RSPH14: variants seen among roughly 807,000 people sequenced by gnomAD.
RSPH14 encodes rhabdoid tumor deletion region gene 1.
In RSPH14, 20 loss-of-function variants were observed where a neutral mutation model predicts 26.7. The observed-to-expected ratio is 0.75, with a 90% confidence interval of 0.53 to 1.09. The LOEUF (loss-of-function observed/expected upper bound fraction) is 1.09, where lower values mean the gene tolerates loss of function less well. Among genes scored for constraint, RSPH14 ranks in the 50% least tolerant of loss-of-function variants. The pLI, the probability that RSPH14 is intolerant of heterozygous loss-of-function variation, is 0.00. For missense variants in RSPH14, 449 were observed against 457.2 expected (o/e 0.98, Z 0.16); for synonymous variants, 177 against 189.3 (o/e 0.93, Z 0.53).
intron 4 of RSPH14, among the ~76,000 whole-genome samples, chr22:23,088,542 C>A (rs1386433550): frequency 6.6e-6 from 1 of 152,226 alleles, no homozygotes; most frequent in African/African-American, 2.4e-5. Context: ...CATAGCCCCG[C>A]TTGGGGCATG....
Position 23,134,072 on chromosome 22 carries a change from C to T in RSPH14, c.375G>A (p.Arg125=). ...GCATGTATGCCTTGTACAGGTTCCC[C>T]CGGCAGACTGGGCTGGGGTCATTCA... ...FLLNDPSPVC[R]GNLYKAYMQL... The change falls in exon 4 of 7, where the codon CGG becomes CGA. Residue 125 remains arginine, a synonymous_variant. Coordinates refer to ENST00000216036, the MANE Select transcript of RSPH14 (RefSeq NM_014433.3). 6.2e-7 allele frequency: 1 copy of T among 1,613,792 alleles called. No homozygotes were observed. Among genetic ancestry groups the T allele is most frequent in the Non-Finnish European group, 8.5e-7 (1 of 1,179,830 alleles).
chr22:23,153,335 C>G, the RSPH14 span, among the ~76,000 whole-genome samples: 8 of 152,158 alleles, frequency 5.3e-5, no homozygotes, highest in Non-Finnish European at 7.4e-5. Context: ...TCATTTTGGT[C>G]ATTGGCTCTG....
intron 4 of RSPH14, chr22:23,095,816 A>G (rs1190591240): frequency 6.2e-7 from 1 of 1,613,488 alleles, no homozygotes; most frequent in Non-Finnish European, 8.5e-7. Context: ...CCTGCTGGGC[A>G]CCAGCAACTC....
chr22:23,138,937 T>C lies in RSPH14; in HGVS notation c.205A>G (p.Met69Val), dbSNP rs1289863575. 6.7e-7 allele frequency: 1 copy of C among 1,490,840 alleles called. No homozygotes were observed. The highest frequency in any genetic ancestry group is 9.0e-7 in the Non-Finnish European group (1 of 1,113,712). The allele number at this position is 1,490,840 out of a possible 1,614,324, so 92.4% of individuals were successfully genotyped here. A position where few individuals can be genotyped will look rare whatever the true frequency, so the allele number is the denominator to read the frequency against. The change falls in exon 3 of 7, where the codon ATG (methionine) becomes GTG (valine). Residue 69 changes from methionine (M) to valine (V), a missense_variant. Coordinates refer to ENST00000216036, the MANE Select transcript of RSPH14 (RefSeq NM_014433.3). The stretch of plus-strand genomic sequence containing the variant: ...TTCAGCAAAGCTTTCAGGTTCTCCA[T>C]ACAGCCTAGAAAAAAAAAAAAAAAC... Reference protein sequence around the residue: ...CIYKAMNIGCMENLKALLKDS... With the variant: ...CIYKAMNIGCVENLKALLKDS...
In RSPH14 at chr22:23,061,855, C is replaced by T; in HGVS notation, c.744G>A (p.Lys248=). ...HLLKDPVEHV[K]SNAAGALMFA... ...ACATCAGGGCACCGGCAGCGTTAGA[C>T]TTCACATGCTCCACTGGGTCTTTCA... Residue 248 remains lysine (K), a synonymous_variant, in exon 6 of 7, where the codon AAG becomes AAA. Transcript: ENST00000216036. 6 of 1,614,176 alleles carry T rather than the reference C, an allele frequency of 3.7e-6. No individual in the cohort carries two copies. Among genetic ancestry groups the T allele is most frequent in the South Asian group, 1.1e-5 (1 of 91,088 alleles).
At chr22:23,136,014 T>C in intron 3 of RSPH14, 1 of 230,550 alleles carries the variant, frequency 4.3e-6, no homozygotes. Flanking sequence ...TATTTATTTA[T>C]TTTCACTTAT....
At chr22:23,065,525 C>T (rs1041569381) in intron 4 of RSPH14, among the ~76,000 whole-genome samples, 2 of 80,350 alleles carry the variant, frequency 2.5e-5, no homozygotes, top group Non-Finnish European at 4.4e-5. Flanking sequence ...ATTTAATATG[C>T]ACAGATTGCA....
At chr22:23,069,949 G>A (rs2068297452) in intron 4 of RSPH14, among the ~76,000 whole-genome samples, 1 of 152,170 alleles carries the variant, frequency 6.6e-6, no homozygotes, top group South Asian at 2.1e-4. Flanking sequence ...CCCGAGTGGA[G>A]AGAAGGCGAG....
intron 4 of RSPH14, among the ~76,000 whole-genome samples, chr22:23,100,773 T>G (rs1409230440): frequency 6.6e-6 from 1 of 152,192 alleles, no homozygotes; most frequent in Non-Finnish European, 1.5e-5. Context: ...TCCAGAGCCC[T>G]GGCTTCTGGG....
At chr22:23,083,769 G>A (rs1250117441) in intron 4 of RSPH14, among the ~76,000 whole-genome samples, 1 of 152,224 alleles carries the variant, frequency 6.6e-6, no homozygotes, top group African/African-American at 2.4e-5. Flanking sequence ...TTCTTCCCCA[G>A]GGGAAGTCCA....
upstream of RSPH14, chr22:23,145,996 T>G: frequency 1.0e-6 from 1 of 985,328 alleles, no homozygotes; most frequent in Non-Finnish European, 1.2e-6. Flanking sequence ...CTACTTCCAC[T>G]GCCTGAGCTG....
the RSPH14 span, chr22:23,161,432 G>A: frequency 7.3e-7 from 1 of 1,365,844 alleles, no homozygotes; most frequent in Non-Finnish European, 1.0e-6. Flanking sequence ...GTCAGGGCCG[G>A]CATCCCCTGC....
At chr22:23,167,826 G>C in the RSPH14 span, among the ~76,000 whole-genome samples, 1 of 151,924 alleles carries the variant, frequency 6.6e-6, no homozygotes, top group South Asian at 2.1e-4. Context: ...GGGACTACAG[G>C]TGCACTACTG....
the RSPH14 span, among the ~76,000 whole-genome samples, chr22:23,171,842 CAAAAAAAAAAAACAAAA>C: frequency 9.7e-5 from 3 of 30,794 alleles, no homozygotes; most frequent in Non-Finnish European, 5.7e-5. Context: ...AACTCTGTCT[CAAAAAAAAAAAACAAAA>C]AAAAAAAAAC....
the RSPH14 span, chr22:23,153,646 C>G: frequency 4.0e-4 from 396 of 983,340 alleles, 3 homozygotes; most frequent in African/African-American, 6.7e-3. Context: ...CCTCACACTG[C>G]AGCCTTCACT....
At chr22:23,065,818 C>CCTG (rs1312475400) in intron 4 of RSPH14, among the ~76,000 whole-genome samples, 1 of 152,164 alleles carries the variant, frequency 6.6e-6, no homozygotes, top group Non-Finnish European at 1.5e-5. Flanking sequence ...CAAGCAAGGG[C>CCTG]CTGCTGGAGG....
chr22:23,159,690 C>T, the RSPH14 span, among the ~76,000 whole-genome samples: 2 of 152,226 alleles, frequency 1.3e-5, no homozygotes, highest in African/African-American at 4.8e-5. Flanking sequence ...CTGCCTCTGG[C>T]CCTGAAATGC....
At chr22:23,061,673 G>C in intron 6 of RSPH14, 136 bp downstream of exon 6, 1 of 1,145,524 alleles carries the variant, frequency 8.7e-7, no homozygotes, top group Non-Finnish European at 1.2e-6. Flanking sequence ...ATCAGTGATA[G>C]GCCAAGGGGA....
chr22:23,059,854 T>C, intron 6 of RSPH14, 136 bp from the exon 7 acceptor site: 1 of 943,564 alleles, frequency 1.1e-6, no homozygotes, highest in Non-Finnish European at 1.4e-6. Context: ...CCCACCAACA[T>C]GCCCTCACCC....
Sources: gnomAD v4.1 joint callset for allele counts (sites outside exome capture counted in the v4.1 genomes callset) on GRCh38, gnomAD v4.1.1 for gene constraint, MANE v1.5 for transcripts, NCBI Gene and HGNC (gene_info 2026-07-23, HGNC 2026-07-21) for gene names.